The following OR2C1 variants were observed in gnomAD, a reference collection of about 807,000 sequenced individuals.
The protein encoded by OR2C1 is olfactory receptor 2C1.
For synonymous variants in OR2C1, 209 were observed against 167.3 expected (o/e 1.25, Z -1.92); for missense variants, 468 against 388.3 (o/e 1.21, Z -1.73).
chr16:3,339,274 GT>G, the OR2C1 span, among the ~76,000 whole-genome samples: 1,924 of 130,856 alleles, frequency 0.015, 39 homozygotes, highest in African/African-American at 0.052. Flanking sequence ...ATGAACATTA[GT>G]TTTTTTTTTT....
chr16:3,336,520 C>A, the OR2C1 span, among the ~76,000 whole-genome samples: 2 of 151,950 alleles, frequency 1.3e-5, no homozygotes, highest in East Asian at 3.9e-4. Flanking sequence ...TGCCACCATG[C>A]CTGGCTAATT....
the OR2C1 span, among the ~76,000 whole-genome samples, chr16:3,333,136 T>C: frequency 0.33 from 50,205 of 150,984 alleles, 9,098 homozygotes; most frequent in East Asian, 0.51. Context: ...ATTGATGATA[T>C]TGAACATTTT....
Position 3,356,155 on chromosome 16 carries a change from C to G in OR2C1, c.215C>G (p.Ala72Gly), listed in dbSNP as rs150733043. 5.6e-6 allele frequency: 9 copies of G among 1,614,126 alleles called. No homozygotes were observed. In the African/African-American group the frequency reaches 1.1e-4, roughly 19 times the overall value. The change falls in exon 1 of 1, where the codon GCT (alanine) becomes GGT (glycine). Residue 72 changes from alanine (A) to glycine (G), a missense_variant. Coordinates refer to ENST00000304936, the MANE Select transcript of OR2C1 (RefSeq NM_012368.3). ...AGCAACCTCTCCTCCTTGGACCTTGCTTTCGCTACTAGTTCAGTCCCCCAA... is the reference window on the plus strand; with the variant it reads ...AGCAACCTCTCCTCCTTGGACCTTGGTTTCGCTACTAGTTCAGTCCCCCAA... ...FLSNLSSLDL[A>G]FATSSVPQML...
chr16:3,337,269 C>G, the OR2C1 span, among the ~76,000 whole-genome samples: 1 of 151,970 alleles, frequency 6.6e-6, no homozygotes, highest in Non-Finnish European at 1.5e-5. Context: ...ATTCTTATGC[C>G]TCAGCCTCCC....
upstream of OR2C1, among the ~76,000 whole-genome samples, chr16:3,354,114 G>T (rs1204198426): frequency 6.6e-6 from 1 of 151,792 alleles, no homozygotes; most frequent in African/African-American, 2.4e-5. Context: ...CTCCTGAGTA[G>T]CTGGGGCTGC....
the OR2C1 span, among the ~76,000 whole-genome samples, chr16:3,325,485 A>C: frequency 0.041 from 4,930 of 120,792 alleles, 378 homozygotes; most frequent in African/African-American, 0.12. Context: ...ATATATATAT[A>C]TATATATATA....
chr16:3,344,460 G>A, the OR2C1 span, among the ~76,000 whole-genome samples: 2 of 152,160 alleles, frequency 1.3e-5, no homozygotes, highest in Non-Finnish European at 2.9e-5. Context: ...GGGCACGGTG[G>A]CTCACGCCCG....
chr16:3,352,358 A>C (rs912985257), upstream of OR2C1, among the ~76,000 whole-genome samples: 6 of 151,454 alleles, frequency 4.0e-5, no homozygotes, highest in African/African-American at 1.2e-4. Context: ...CTCGTGATCC[A>C]CCCGCCTCGG....
the OR2C1 span, among the ~76,000 whole-genome samples, chr16:3,325,292 T>A: frequency 6.6e-6 from 1 of 151,804 alleles, no homozygotes. Context: ...TATTTACTTA[T>A]TTTTTAATAG....
the OR2C1 span, among the ~76,000 whole-genome samples, chr16:3,324,951 C>A: frequency 6.6e-6 from 1 of 151,882 alleles, no homozygotes; most frequent in Non-Finnish European, 1.5e-5. Flanking sequence ...GTACTGTAGT[C>A]TTTTTTATTT....
chr16:3,324,536 C>G, the OR2C1 span, among the ~76,000 whole-genome samples: 2 of 152,224 alleles, frequency 1.3e-5, no homozygotes, highest in African/African-American at 4.8e-5. Flanking sequence ...AGTACTCACT[C>G]TACTGAATTG....
chr16:3,328,564 T>G, the OR2C1 span, among the ~76,000 whole-genome samples: 2 of 152,190 alleles, frequency 1.3e-5, no homozygotes, highest in African/African-American at 4.8e-5. Flanking sequence ...AGCACCTGTC[T>G]CCTGGGAGGA....
At chr16:3,332,609 T>C in the OR2C1 span, among the ~76,000 whole-genome samples, 1 of 152,108 alleles carries the variant, frequency 6.6e-6, no homozygotes, top group African/African-American at 2.4e-5. Context: ...GATATTTGTG[T>C]TTCTGTGCTT....
chr16:3,355,853 A>G (rs1453829444), upstream of OR2C1: 4 of 933,520 alleles, frequency 4.3e-6, no homozygotes, highest in African/African-American at 6.6e-5. Flanking sequence ...TCCTGATGCA[A>G]ATCCACCTCA....
chr16:3,346,331 A>C, the OR2C1 span, among the ~76,000 whole-genome samples: 1 of 152,186 alleles, frequency 6.6e-6, no homozygotes, highest in Non-Finnish European at 1.5e-5. Flanking sequence ...ATAAATAAAT[A>C]GGAAAAGGTA....
the OR2C1 span, among the ~76,000 whole-genome samples, chr16:3,330,539 A>G: frequency 6.6e-6 from 1 of 152,208 alleles, no homozygotes; most frequent in Non-Finnish European, 1.5e-5. Flanking sequence ...ATAAAGCCAA[A>G]GAGTTTTACA....
At chr16:3,323,575 A>G in the OR2C1 span, 2 of 752,070 alleles carry the variant, frequency 2.7e-6, no homozygotes, top group Non-Finnish European at 4.9e-6. Flanking sequence ...CAAAGACACC[A>G]CTAAAAATTT....
the OR2C1 span, among the ~76,000 whole-genome samples, chr16:3,341,016 A>G: frequency 6.6e-6 from 1 of 150,628 alleles, no homozygotes; most frequent in Non-Finnish European, 1.5e-5. Context: ...TTTTTTAGGG[A>G]TGCATTGAAC....
chr16:3,337,500 C>G, the OR2C1 span, among the ~76,000 whole-genome samples: 57 of 152,030 alleles, frequency 3.7e-4, 1 homozygote, highest in African/African-American at 1.4e-3. Flanking sequence ...GCCTGTCTCT[C>G]CTCTGCTTGA....
Sources: gnomAD v4.1 joint callset for allele counts (sites outside exome capture counted in the v4.1 genomes callset) on GRCh38, gnomAD v4.1.1 for gene constraint, MANE v1.5 for transcripts, NCBI Gene and HGNC (gene_info 2026-07-23, HGNC 2026-07-21) for gene names.